DOCK2: variants seen among roughly 807,000 people sequenced by gnomAD.
DOCK2 encodes dedicator of cytokinesis 2.
DOCK2 carries 87 observed loss-of-function variants against 248.9 expected under a neutral mutation model. That is an observed-to-expected ratio of 0.35 (90% CI 0.29 to 0.42). The LOEUF is 0.42. Among genes scored for constraint, DOCK2 ranks in the 10% least tolerant of loss-of-function variants. DOCK2 has a pLI of 1.00. For missense variants in DOCK2, 1,747 were observed against 2,300.2 expected, an observed-to-expected ratio of 0.76 and a Z score of 4.92; for synonymous variants, 805 against 821.6, an observed-to-expected ratio of 0.98 and a Z score of 0.35.
chr5:169,807,491 C>A (rs1044273410), intron 26 of DOCK2, among the ~76,000 whole-genome samples: 1 of 152,032 alleles, frequency 6.6e-6, no homozygotes, highest in Non-Finnish European at 1.5e-5. Context: ...GGCTCATTCT[C>A]AGTTCTTTAC....
intron 8 of DOCK2, among the ~76,000 whole-genome samples, chr5:169,684,553 T>A (rs1270353671): frequency 6.6e-6 from 1 of 152,178 alleles, no homozygotes; most frequent in Non-Finnish European, 1.5e-5. Flanking sequence ...ACAGTGGAGT[T>A]TATGGTTGTA....
chr5:169,920,722 GTC>G lies in DOCK2; in HGVS notation c.2800-62342_2800-62341del, dbSNP rs555419088. On this transcript the variant is annotated intron_variant, in intron 27 of 51. Transcript: ENST00000520908. Reference sequence around the variant, plus strand: ...AGCTCTGTGCTCATTCCCGTCTCCCGTCTCTGCAGATTTAATTTATAGCTGGA... The same window carrying G: ...AGCTCTGTGCTCATTCCCGTCTCCCGTCTGCAGATTTAATTTATAGCTGGA... Among the ~76,000 whole-genome samples, 50 of 152,262 alleles carry G rather than the reference GTC, an allele frequency of 3.3e-4. No homozygotes were observed. In the South Asian group the frequency reaches 0.01, roughly 32 times the overall value.
intron 44 of DOCK2, among the ~76,000 whole-genome samples, chr5:170,062,207 C>A (rs964283923): frequency 2.0e-5 from 3 of 151,858 alleles, no homozygotes; most frequent in African/African-American, 7.3e-5. Flanking sequence ...CAGTCATCTT[C>A]AGAAACATCC....
intron 14 of DOCK2, 59 bp from the exon 15 acceptor site, chr5:169,708,110 C>G: frequency 6.4e-7 from 1 of 1,574,536 alleles, no homozygotes; most frequent in East Asian, 2.3e-5. Context: ...CAAACCTGCA[C>G]AAGCACAGAA....
intron 2 of DOCK2, among the ~76,000 whole-genome samples, chr5:169,662,638 T>TCG (rs1424470541): frequency 1.3e-5 from 2 of 152,206 alleles, no homozygotes; most frequent in Non-Finnish European, 2.9e-5. Flanking sequence ...AGGCATGTTT[T>TCG]ACATGGCAGC....
chr5:169,672,049 C>G (rs999662436), intron 5 of DOCK2, among the ~76,000 whole-genome samples: 1 of 151,772 alleles, frequency 6.6e-6, no homozygotes, highest in African/African-American at 2.4e-5. Flanking sequence ...CTCTGTTGCC[C>G]AGGCTGGAGT....
At chr5:169,656,444 C>T (rs1419786917) in intron 2 of DOCK2, among the ~76,000 whole-genome samples, 2 of 152,082 alleles carry the variant, frequency 1.3e-5, no homozygotes, top group African/African-American at 4.8e-5. Flanking sequence ...GCGCCTCAGC[C>T]TCATTCGTAG....
chr5:169,766,849 C>G (rs1342310064), intron 25 of DOCK2, among the ~76,000 whole-genome samples: 1 of 152,148 alleles, frequency 6.6e-6, no homozygotes, highest in Non-Finnish European at 1.5e-5. Context: ...CTCACTGAAA[C>G]CCCCACCTCC....
intron 27 of DOCK2, among the ~76,000 whole-genome samples, chr5:169,959,630 G>A (rs564561717): frequency 1.7e-4 from 26 of 152,304 alleles, no homozygotes; most frequent in African/African-American, 5.8e-4. Flanking sequence ...AGAGGATCAT[G>A]CATAAAGGTA....
intron 27 of DOCK2, among the ~76,000 whole-genome samples, chr5:169,880,333 C>A (rs998495406): frequency 2.0e-5 from 3 of 152,224 alleles, no homozygotes; most frequent in Non-Finnish European, 4.4e-5. Context: ...GGCATATGGT[C>A]TCTTACTCAT....
rs187841563 is a variant in DOCK2 at position 169,794,681 on chromosome 5, C to T, written c.2555-8377C>T. Among the ~76,000 whole-genome samples the T allele has an allele frequency of 2.9e-3, 440 of 152,240 alleles. 1 individual carries two copies. The highest frequency in any genetic ancestry group is 6.0e-3 in the Admixed American group (92 of 15,298). The stretch of plus-strand genomic sequence containing the variant: ...GGCTCATATCTGTAATCCCAGCACT[C>T]TGGGAGGCCGAGGCGGGCGGATCAC... On this transcript the variant is annotated intron_variant, in intron 25 of 51. Transcript: ENST00000520908.
intron 22 of DOCK2, among the ~76,000 whole-genome samples, chr5:169,730,977 G>A (rs563227604): frequency 6.6e-6 from 1 of 152,114 alleles, no homozygotes; most frequent in African/African-American, 2.4e-5. Flanking sequence ...GAACTCCTGG[G>A]CTCAAGTGAT....
At chr5:169,867,237 A>G (rs921539388) in intron 27 of DOCK2, among the ~76,000 whole-genome samples, 13 of 152,222 alleles carry the variant, frequency 8.5e-5, no homozygotes, top group African/African-American at 2.2e-4. Flanking sequence ...TTGACCCACA[A>G]TCAGATTAGA....
chr5:169,685,696 G>A (rs1759928672), intron 8 of DOCK2, among the ~76,000 whole-genome samples: 1 of 152,206 alleles, frequency 6.6e-6, no homozygotes, highest in African/African-American at 2.4e-5. Context: ...GCGGCCTCCT[G>A]GAGACATGCA....
chr5:169,944,478 A>G (rs1467773555), intron 27 of DOCK2, among the ~76,000 whole-genome samples: 1 of 152,200 alleles, frequency 6.6e-6, no homozygotes, highest in Non-Finnish European at 1.5e-5. Context: ...GGAGATTTGG[A>G]AAGGGAGGGA....
intron 25 of DOCK2, among the ~76,000 whole-genome samples, chr5:169,778,726 A>G (rs1399143583): frequency 6.6e-6 from 1 of 152,236 alleles, no homozygotes; most frequent in Non-Finnish European, 1.5e-5. Context: ...GTTAGCAACC[A>G]GCTGCCCAGA....
intron 27 of DOCK2, chr5:169,841,282 G>A: frequency 1.0e-6 from 1 of 970,310 alleles, no homozygotes; most frequent in Non-Finnish European, 1.2e-6. Context: ...TCTGCCCATA[G>A]ATGCTGGTTA....
chr5:169,853,469 T>C (rs1316051562), intron 27 of DOCK2, among the ~76,000 whole-genome samples: 1 of 152,258 alleles, frequency 6.6e-6, no homozygotes, highest in Non-Finnish European at 1.5e-5. Flanking sequence ...GTTACATTCA[T>C]GCAGTGATGC....
intron 6 of DOCK2, among the ~76,000 whole-genome samples, chr5:169,678,907 A>T (rs1298870161): frequency 1.3e-5 from 2 of 152,162 alleles, no homozygotes; most frequent in East Asian, 3.8e-4. Flanking sequence ...ACCAGCAGGA[A>T]TTATTAGGTG....
Sources: gnomAD v4.1 joint callset for allele counts (sites outside exome capture counted in the v4.1 genomes callset) on GRCh38, gnomAD v4.1.1 for gene constraint, MANE v1.5 for transcripts, NCBI Gene and HGNC (gene_info 2026-07-23, HGNC 2026-07-21) for gene names.